TTC34: variants seen among roughly 807,000 people sequenced by gnomAD.
TTC34 encodes the protein tetratricopeptide repeat protein 34.
Under a neutral mutation model 40.7 loss-of-function variants are expected in TTC34, and 44 were observed. The observed-to-expected ratio is 1.08, with a 90% CI of 0.85 to 1.39. The LOEUF (loss-of-function observed/expected upper bound fraction) is 1.39. Among genes scored for constraint, TTC34 ranks in the 40% most tolerant of loss-of-function variants. The pLI, the probability that TTC34 is intolerant of heterozygous loss-of-function variation, is 0.00. For synonymous variants in TTC34, 422 were observed against 398.6 expected (o/e 1.06, Z -0.70); for missense variants, 884 against 838.0 (o/e 1.05, Z -0.68).
chr1:2,684,410 C>A, intron 6 of TTC34, among the ~76,000 whole-genome samples: 1 of 146,678 alleles, frequency 6.8e-6, no homozygotes, highest in South Asian at 2.2e-4. Context: ...AGGTGAGCAT[C>A]TGACAGACTG....
At chr1:2,779,964 A>G (rs188601701) in intron 6 of TTC34, among the ~76,000 whole-genome samples, 13 of 152,290 alleles carry the variant, frequency 8.5e-5, no homozygotes, top group Non-Finnish European at 5.9e-5. Context: ...AATACAAAAA[A>G]TTAGCCAGGC....
chr1:2,768,129 T>G (rs868367027), intron 6 of TTC34, among the ~76,000 whole-genome samples: 1 of 150,384 alleles, frequency 6.6e-6, no homozygotes. Context: ...CCTGCACACT[T>G]AGGTAAGAAT....
At chr1:2,778,044 T>C (rs1643354279) in intron 6 of TTC34, among the ~76,000 whole-genome samples, 1 of 152,206 alleles carries the variant, frequency 6.6e-6, no homozygotes, top group African/African-American at 2.4e-5. Flanking sequence ...CCCAAATGCA[T>C]GTCTCCCTCC....
intron 6 of TTC34, among the ~76,000 whole-genome samples, chr1:2,781,125 C>T (rs1000669867): frequency 2.0e-5 from 3 of 151,994 alleles, no homozygotes; most frequent in Admixed American, 6.6e-5. Flanking sequence ...TGGTGGGTTC[C>T]GAATCCACAG....
At chr1:2,756,577 G>T (rs1641512481) in intron 6 of TTC34, among the ~76,000 whole-genome samples, 223 of 148,388 alleles carry the variant, frequency 1.5e-3, no homozygotes, top group South Asian at 3.6e-3. Context: ...GCCTGAAGCA[G>T]CACCCACACC....
At chr1:2,688,031 G>A (rs1202982259) in intron 6 of TTC34, among the ~76,000 whole-genome samples, 2 of 133,942 alleles carry the variant, frequency 1.5e-5, no homozygotes, top group African/African-American at 6.5e-5. Flanking sequence ...CTGACTGCAT[G>A]TAACAGCACC....
chr1:2,658,203 GATC>G (rs1639420375), intron 6 of TTC34, among the ~76,000 whole-genome samples: 1 of 74,190 alleles, frequency 1.3e-5, no homozygotes, highest in African/African-American at 4.4e-5. Flanking sequence ...AGCATCTGAT[GATC>G]TGGAGCAGCA....
exon 9 of TTC34, chr1:2,641,242 G>A: frequency 9.3e-7 from 1 of 1,075,846 alleles, no homozygotes; most frequent in Non-Finnish European, 1.3e-6. Flanking sequence ...GGCTGGGAAG[G>A]GGGTGTGGAG....
chr1:2,750,395 G>C lies in TTC34; in HGVS notation c.2226+33214C>G, dbSNP rs1174027024. Among the ~76,000 whole-genome samples the C allele has an allele frequency of 1.9e-5, 2 of 104,610 alleles. 1 individual carries two copies. The highest frequency in any genetic ancestry group is 3.7e-5 in the Non-Finnish European group (2 of 54,344). The allele number at this position is 104,610 out of a possible 152,430, so 68.6% of individuals were successfully genotyped here. ...GGTGAGCATCTGACAGCCTGGAACA[G>C]CACGCACACCCCCAGGTGCGCACGT... On this transcript the variant is annotated intron_variant, in intron 6 of 8. Coordinates refer to ENST00000401095, the Ensembl canonical transcript of TTC34.
intron 6 of TTC34, among the ~76,000 whole-genome samples, chr1:2,758,466 A>G (rs1641577868): frequency 1.2e-5 from 1 of 84,180 alleles, no homozygotes; most frequent in East Asian, 3.3e-4. Flanking sequence ...AGCCTGGAAG[A>G]GCACCCACAC....
intron 6 of TTC34, among the ~76,000 whole-genome samples, chr1:2,768,700 C>T (rs943483206): frequency 6.7e-6 from 1 of 149,522 alleles, no homozygotes; most frequent in South Asian, 2.1e-4. Flanking sequence ...AAGACCACTG[C>T]CCCCAGGTGA....
At chr1:2,765,745 A>AG (rs1641769713) in intron 6 of TTC34, among the ~76,000 whole-genome samples, 2 of 46,506 alleles carry the variant, frequency 4.3e-5, no homozygotes, top group Non-Finnish European at 6.8e-5. Flanking sequence ...AGCCTGGAGC[A>AG]GCGCCCACAC....
rs1274383785 is a variant in TTC34, at chr1:2,794,587, G to C, written c.785-4241C>G. Among the ~76,000 whole-genome samples, 3 of 152,160 alleles carry C rather than the reference G, an allele frequency of 2.0e-5. No homozygotes were observed. In the East Asian group the frequency reaches 5.8e-4, roughly 29 times the overall value. ...TGTGACTTCCTTTCTGGTCTTACAT[G>C]TTCTGTCTTGTTTTCTTACCTTATT... On this transcript the variant is annotated intron_variant, in intron 2 of 8. Coordinates refer to ENST00000401095, the Ensembl canonical transcript of TTC34.
At chr1:2,695,706 G>T (rs1640830767) in intron 6 of TTC34, among the ~76,000 whole-genome samples, 1 of 150,788 alleles carries the variant, frequency 6.6e-6, no homozygotes, top group Non-Finnish European at 1.5e-5. Flanking sequence ...GCCTGGAACA[G>T]CACCCACACC....
chr1:2,684,490 T>C (rs1258012277), intron 6 of TTC34, among the ~76,000 whole-genome samples: 8 of 139,600 alleles, frequency 5.7e-5, no homozygotes, highest in African/African-American at 2.4e-4. Context: ...CAGGCGAGCA[T>C]CTGATGGCCT....
At chr1:2,648,775 G>A (rs781476175) in intron 6 of TTC34, among the ~76,000 whole-genome samples, 1 of 146,724 alleles carries the variant, frequency 6.8e-6, no homozygotes, top group Non-Finnish European at 1.5e-5. Context: ...GTGAACATCT[G>A]ACAGCCTGGA....
At chr1:2,650,173 A>AT (rs1639100326) in intron 6 of TTC34, among the ~76,000 whole-genome samples, 5 of 144,272 alleles carry the variant, frequency 3.5e-5, no homozygotes, top group Non-Finnish European at 7.8e-5. Context: ...GGCACTCTAC[A>AT]CCCTCAGGTG....
At chr1:2,647,518 C>G (rs1639043858) in intron 6 of TTC34, among the ~76,000 whole-genome samples, 1 of 152,228 alleles carries the variant, frequency 6.6e-6, no homozygotes, top group Non-Finnish European at 1.5e-5. Context: ...CCTGTAGTCC[C>G]AGCTACTCAG....
At chr1:2,641,760 A>G (rs4648662) in exon 9 of TTC34, 1,325,397 of 1,535,352 alleles carry the variant, frequency 0.86, 573,766 homozygotes, top group East Asian at 1. Context: ...AACTCCTGCA[A>G]CTCGGCCAGG....
Sources: gnomAD v4.1 joint callset for allele counts (sites outside exome capture counted in the v4.1 genomes callset) on GRCh38, gnomAD v4.1.1 for gene constraint, MANE v1.5 for transcripts, NCBI Gene and HGNC (gene_info 2026-07-23, HGNC 2026-07-21) for gene names.